The following CCDC93 variants were observed in gnomAD, a reference collection of about 807,000 sequenced individuals.
The protein encoded by CCDC93 is coiled-coil domain-containing protein 93.
CCDC93 carries 61 observed loss-of-function variants against 108.2 expected under a neutral mutation model. The ratio of observed to expected loss-of-function variants is 0.56; its 90% CI spans 0.46 to 0.70. The LOEUF (loss-of-function observed/expected upper bound fraction) is 0.70, where lower values mean the gene tolerates loss of function less well. CCDC93 is among the 30% of genes least tolerant of loss of function. CCDC93 has a pLI of 0.00. For missense variants in CCDC93, 685 were observed against 764.2 expected, an observed-to-expected ratio of 0.90 and a Z score of 1.22; for synonymous variants, 276 against 260.4, an observed-to-expected ratio of 1.06 and a Z score of -0.58.
chr2:117,932,401 T>C (rs919637882), intron 22 of CCDC93, among the ~76,000 whole-genome samples: 11 of 152,208 alleles, frequency 7.2e-5, no homozygotes, highest in African/African-American at 2.7e-4. Flanking sequence ...TATAGGCTTC[T>C]GTTGACTACA....
In CCDC93 at chr2:117,978,000, C is replaced by T; in HGVS notation, c.651G>A (p.Met217Ile). Reference protein sequence around the residue: ...RRYGFSRQSKMEKAEDKKTAL... With the variant: ...RRYGFSRQSKIEKAEDKKTAL... ...CTATCAATGTTTTTCTTACCTTCTC[C>T]ATTTTGCTCTGGCGGCTAAATCCAT... Residue 217 changes from methionine (M) to isoleucine (I), a missense_variant, in exon 8 of 24, where the codon ATG becomes ATA. Transcript: ENST00000376300. 1 of 1,613,860 alleles carries T rather than the reference C, an allele frequency of 6.2e-7. No homozygotes were observed. Among genetic ancestry groups the T allele is most frequent in the Non-Finnish European group, 8.5e-7 (1 of 1,179,752 alleles).
intron 12 of CCDC93, among the ~76,000 whole-genome samples, chr2:117,956,690 TC>T (rs1679227397): frequency 1.3e-5 from 2 of 152,126 alleles, no homozygotes; most frequent in African/African-American, 4.8e-5. Flanking sequence ...AGAAACCAAA[TC>T]ATAGGCTATC....
chr2:118,008,248 A>G (rs1331068114), intron 2 of CCDC93, among the ~76,000 whole-genome samples: 2 of 152,212 alleles, frequency 1.3e-5, no homozygotes, highest in East Asian at 1.9e-4. Context: ...TTTATTTTCC[A>G]TAAGTTTTAT....
chr2:118,013,859 C>G (rs1677087070), intron 1 of CCDC93, 95 bp downstream of exon 1: 3 of 1,136,114 alleles, frequency 2.6e-6, no homozygotes, highest in South Asian at 1.6e-5. Context: ...GCGGGGCGCC[C>G]CTAACGCACC....
At chr2:117,983,740 T>C (rs1476430829) in intron 7 of CCDC93, among the ~76,000 whole-genome samples, 1 of 151,546 alleles carries the variant, frequency 6.6e-6, no homozygotes, top group Non-Finnish European at 1.5e-5. Context: ...GAACAGAACC[T>C]AGAGGAAACA....
At chr2:118,004,609 A>C (rs1345608054) in intron 3 of CCDC93, among the ~76,000 whole-genome samples, 1 of 152,220 alleles carries the variant, frequency 6.6e-6, no homozygotes, top group Non-Finnish European at 1.5e-5. Context: ...ACCAAACAGA[A>C]CACATTCCAA....
In CCDC93 at chr2:117,996,437, C is replaced by T. The variant is rs1349181635; in HGVS notation, c.364-75G>A. ...GAAGTGAAGGCCAGTTCAGACATGG[C>T]CCAACTCATGAACTCAAATCAGCAT... On this transcript the variant is annotated intron_variant, in intron 4 of 23. Coordinates refer to ENST00000376300, the MANE Select transcript of CCDC93 (RefSeq NM_019044.5). The T allele has an allele frequency of 3.1e-6, 3 of 964,074 alleles. No individual in the cohort carries two copies. The Admixed American group carries it at 5.3e-5, about 17-fold the overall frequency. 59.7% of individuals were successfully genotyped at this position (964,074 alleles called of 1,614,324 possible).
chr2:117,994,389 C>T (rs1436258150), intron 6 of CCDC93, among the ~76,000 whole-genome samples: 2 of 152,168 alleles, frequency 1.3e-5, no homozygotes, highest in Non-Finnish European at 2.9e-5. Context: ...GTGTCACCTT[C>T]CCAAAGGTTT....
At chr2:117,975,641 T>C (rs1406077298) in intron 8 of CCDC93, among the ~76,000 whole-genome samples, 1 of 152,168 alleles carries the variant, frequency 6.6e-6, no homozygotes, top group Non-Finnish European at 1.5e-5. Flanking sequence ...TAAGACCAAT[T>C]AGTGGGACAT....
chr2:117,953,168 T>C (rs568486404), intron 12 of CCDC93, among the ~76,000 whole-genome samples: 1 of 152,284 alleles, frequency 6.6e-6, no homozygotes, highest in African/African-American at 2.4e-5. Flanking sequence ...ATTAACTGGG[T>C]TCAAGTTAAC....
intron 3 of CCDC93, among the ~76,000 whole-genome samples, chr2:118,005,094 AG>A (rs760429838): frequency 4.6e-5 from 7 of 152,254 alleles, no homozygotes; most frequent in Non-Finnish European, 8.8e-5. Flanking sequence ...ACCTAAAAGA[AG>A]AAAAAACAGT....
Position 117,948,123 on chromosome 2 carries a change from T to G in CCDC93, c.1206A>C (p.Glu402Asp). ...MNENLKSQEQ[E>D]FKAHCREEMT... ...CACTTACTCGACAATGTGCTTTAAA[T>G]TCCTGTTCTTGACTTTTCAGATTTT... The change falls in exon 15 of 24, where the codon GAA (glutamate) becomes GAC (aspartate). Residue 402 changes from glutamate to aspartate, a missense_variant. Coordinates refer to ENST00000376300, the MANE Select transcript of CCDC93 (RefSeq NM_019044.5). 1 of 1,613,466 alleles carries G rather than the reference T, an allele frequency of 6.2e-7. No individual in the cohort carries two copies. Among genetic ancestry groups the G allele is most frequent in the South Asian group, 1.1e-5 (1 of 91,064 alleles).
rs1257494744 is a variant in CCDC93, at chr2:117,919,041, GT to G, written c.*1301del. ...ACTGTGCAAACCTGCCACCTGGTAT[GT>G]TTGCAAGATTTATGCAAAATGGAGC... On this transcript the variant is annotated 3_prime_UTR_variant, in exon 24 of 24. Transcript: ENST00000376300. 1.3e-5 allele frequency: 2 copies of G among 152,338 alleles called. No homozygotes were observed. The highest frequency in any genetic ancestry group is 3.9e-4 in the East Asian group (2 of 5,188). The allele number at this position is 152,338 out of a possible 1,614,324, so 9.4% of individuals were successfully genotyped here.
chr2:117,993,716 G>A (rs1276034792), intron 6 of CCDC93, among the ~76,000 whole-genome samples: 1 of 152,114 alleles, frequency 6.6e-6, no homozygotes, highest in Non-Finnish European at 1.5e-5. Context: ...TAGTTAGCAG[G>A]AATCTTTGTT....
Position 117,936,892 on chromosome 2 carries a change from T to A in CCDC93, c.1606-153A>T, listed in dbSNP as rs573990901. 7.0e-5 allele frequency: 45 copies of A among 645,526 alleles called. No homozygotes were observed. The East Asian group carries it at 1.2e-3, about 17-fold the overall frequency. The allele number at this position is 645,526 out of a possible 1,614,324, so 40.0% of individuals were successfully genotyped here. ...ATTAAAGTAACATATGAAAAAAAAA[T>A]TAGCCACATGTTCTGTCTCACAGAT... On this transcript the variant is annotated intron_variant, in intron 20 of 23. Transcript: ENST00000376300.
intron 22 of CCDC93, among the ~76,000 whole-genome samples, chr2:117,932,726 G>T (rs1440948361): frequency 1.3e-5 from 2 of 152,198 alleles, no homozygotes; most frequent in African/African-American, 4.8e-5. Flanking sequence ...AACCCCTAAT[G>T]CTGCCTGCAT....
At chr2:117,923,797 C>T (rs550185015) in intron 23 of CCDC93, among the ~76,000 whole-genome samples, 43 of 151,576 alleles carry the variant, frequency 2.8e-4, no homozygotes, top group African/African-American at 8.5e-4. Context: ...TCTCCCAGCA[C>T]GCAGCTGGAG....
chr2:117,925,508 A>C (rs1221351584), intron 23 of CCDC93, among the ~76,000 whole-genome samples: 1 of 152,242 alleles, frequency 6.6e-6, no homozygotes, highest in Non-Finnish European at 1.5e-5. Flanking sequence ...ACCGACAAAG[A>C]TCAAAAGACA....
At chr2:117,972,608 A>ATTT (rs34350545) in intron 11 of CCDC93, among the ~76,000 whole-genome samples, 15 of 145,468 alleles carry the variant, frequency 1.0e-4, no homozygotes, top group African/African-American at 3.8e-4. Flanking sequence ...TCCAGTTGTC[A>ATTT]TTTTTTTTTT....
Sources: allele counts gnomAD v4.1 joint callset (sites outside exome capture counted in the v4.1 genomes callset), GRCh38; gene constraint gnomAD v4.1.1; transcripts MANE v1.5; gene names NCBI Gene and HGNC (gene_info 2026-07-23, HGNC 2026-07-21).